Variants in ORAI3 observed in about 807,000 individuals in gnomAD.
ORAI3 encodes the protein protein orai-3.
In ORAI3, 15 loss-of-function variants were observed where a neutral mutation model predicts 17.2. The observed-to-expected ratio is 0.87, with a 90% CI of 0.58 to 1.34. The LOEUF (loss-of-function observed/expected upper bound fraction) is 1.34. ORAI3 is among the 40% of genes most tolerant of loss of function. The pLI is 0.00. For missense variants in ORAI3, 405 were observed against 396.7 expected (o/e 1.02, Z -0.18); for synonymous variants, 178 against 172.4 (o/e 1.03, Z -0.25).
At position 30,949,237 on chromosome 16, in the gene ORAI3, C is replaced by A. The variant is rs938866244; in HGVS notation, c.-53C>A. 8.6e-6 allele frequency: 11 copies of A among 1,285,024 alleles called. No individual in the cohort carries two copies. Among genetic ancestry groups the A allele is most frequent in the African/African-American group, 4.7e-5 (3 of 63,526 alleles). The allele number at this position is 1,285,024 out of a possible 1,614,324, so 79.6% of individuals were successfully genotyped here. On this transcript the variant is annotated 5_prime_UTR_variant, in exon 1 of 2. Transcript: ENST00000318663. Reference sequence around the variant, plus strand: ...GGGCTTGGGCCGGCCCGGCTGGGGCCCCCGAGGCGCTTCCGCCCCGTAGTG... The same window carrying A: ...GGGCTTGGGCCGGCCCGGCTGGGGCACCCGAGGCGCTTCCGCCCCGTAGTG...
chr16:30,951,045 C>A (rs921364632), intron 1 of ORAI3, among the ~76,000 whole-genome samples: 1 of 152,132 alleles, frequency 6.6e-6, no homozygotes, highest in Non-Finnish European at 1.5e-5. Context: ...AAGCCTGGCC[C>A]AGATCCCTGT....
At position 30,953,591 on chromosome 16, in the gene ORAI3, G is replaced by T. The variant is rs765188667; in HGVS notation, c.635G>T (p.Arg212Leu). Residue 212 changes from arginine to leucine, a missense_variant, in exon 2 of 2, where the codon CGG becomes CTG. Physicochemically the swap from Arg to Leu is moderately radical, Grantham distance 102. Coordinates refer to ENST00000318663, the MANE Select transcript of ORAI3 (RefSeq NM_152288.3). ...CTTAGTCCAGCTTCCAATCTCCCACGGTCCTCTGCGTCTGCAGCACCGTCC... is the reference window on the plus strand; with the variant it reads ...CTTAGTCCAGCTTCCAATCTCCCACTGTCCTCTGCGTCTGCAGCACCGTCC... ...TSLSPASNLP[R>L]SSASAAPSQA... 6.2e-7 allele frequency: 1 copy of T among 1,614,182 alleles called. No individual in the cohort carries two copies. Among genetic ancestry groups the T allele is most frequent in the Non-Finnish European group, 8.5e-7 (1 of 1,180,024 alleles).
At chr16:30,950,384 C>T (rs1330911234) in intron 1 of ORAI3, among the ~76,000 whole-genome samples, 1 of 152,198 alleles carries the variant, frequency 6.6e-6, no homozygotes, top group Non-Finnish European at 1.5e-5. Context: ...CTCAGACTAG[C>T]CTGCTAATTG....
Position 30,949,206 on chromosome 16 carries a change from GC to G in ORAI3, c.-79del. ...GCTCGTCCTGTCTGGGAATGGGGCC[GC>G]CCCCGGGCTTGGGCCGGCCCGGCTG... On this transcript the variant is annotated 5_prime_UTR_variant, in exon 1 of 2. It removes the in-frame stop codon of an upstream open reading frame in the 5' UTR. Transcript: ENST00000318663. 2.0e-6 allele frequency: 2 copies of G among 977,696 alleles called. No homozygotes were observed. Among genetic ancestry groups the G allele is most frequent in the Non-Finnish European group, 2.8e-6 (2 of 718,398 alleles). The allele number at this position is 977,696 out of a possible 1,614,324, so 60.6% of individuals were successfully genotyped here.
chr16:30,951,722 AAG>A (rs570181174), intron 1 of ORAI3, among the ~76,000 whole-genome samples: 8 of 152,032 alleles, frequency 5.3e-5, no homozygotes, highest in African/African-American at 1.7e-4. Flanking sequence ...AAAAAAAAAA[AAG>A]AGAGACCCCA....
In ORAI3 at chr16:30,949,620, G is replaced by A. The variant is rs527700213; in HGVS notation, c.228+103G>A. 2.8e-4 allele frequency: 229 copies of A among 811,882 alleles called. 1 individual carries two copies. In the African/African-American group the frequency reaches 4.0e-3, roughly 14 times the overall value. 50.3% of individuals were successfully genotyped at this position (811,882 alleles called of 1,614,324 possible). On this transcript the variant is annotated intron_variant, in intron 1 of 1. Transcript: ENST00000318663. ...AGGTCCCAAGGGAGACAGGTTAAAG[G>A]GGGCTTTCGTCAAAGGGGGAAGGAA...
At position 30,953,659 on chromosome 16, in the gene ORAI3, G is replaced by A. The variant is rs761906488; in HGVS notation, c.703G>A (p.Gly235Ser). The A allele has an allele frequency of 6.2e-7, 1 of 1,614,118 alleles. No individual in the cohort carries two copies. The highest frequency in any genetic ancestry group is 8.5e-7 in the Non-Finnish European group (1 of 1,180,020). The stretch of plus-strand genomic sequence containing the variant: ...CCCACCCCGGCAAGCCTGTGGTGGT[G>A]GTGGGGCCCATGGGCCAGGCTGGCA... ...ACPPRQACGG[G>S]GAHGPGWQAA... Residue 235 changes from glycine to serine, a missense_variant, in exon 2 of 2, where the codon GGT (glycine) becomes AGT (serine). Gly to Ser is a moderately conservative substitution (Grantham distance 56, BLOSUM62 0). Coordinates refer to ENST00000318663, the MANE Select transcript of ORAI3 (RefSeq NM_152288.3).
chr16:30,953,673 G>A lies in ORAI3; in HGVS notation c.717G>A (p.Gly239=). ...CCTGTGGTGGTGGTGGGGCCCATGG[G>A]CCAGGCTGGCAAGCAGCCATGGCCT... is the stretch of plus-strand genomic sequence containing the variant. ...RQACGGGGAH[G]PGWQAAMAST... Residue 239 remains glycine (G), a synonymous_variant, in exon 2 of 2, where the codon GGG becomes GGA. Coordinates refer to ENST00000318663, the MANE Select transcript of ORAI3 (RefSeq NM_152288.3). 1.2e-6 allele frequency: 2 copies of A among 1,614,060 alleles called. No individual in the cohort carries two copies. The highest frequency in any genetic ancestry group is 1.3e-5 in the African/African-American group (1 of 75,066).
In ORAI3 at chr16:30,949,288, G is replaced by A. The variant is rs571122937; in HGVS notation, c.-2G>A. On this transcript the variant is annotated 5_prime_UTR_variant, in exon 1 of 2. Coordinates refer to ENST00000318663, the MANE Select transcript of ORAI3 (RefSeq NM_152288.3). ...ACCGCCTGGTGCCGCCCCCCCCCCA[G>A]GATGAAGGGCGGCGAGGGGGACGCG... 2.1e-6 allele frequency: 3 copies of A among 1,402,124 alleles called. No homozygotes were observed. The highest frequency in any genetic ancestry group is 1.6e-5 in the South Asian group (1 of 64,304). The allele number at this position is 1,402,124 out of a possible 1,614,324, so 86.9% of individuals were successfully genotyped here. A position where few individuals can be genotyped will look rare whatever the true frequency, so the allele number is the denominator to read the frequency against.
chr16:30,953,833 C>T lies in ORAI3; in HGVS notation c.877C>T (p.Gln293Ter), dbSNP rs747520974. 6.2e-7 allele frequency: 1 copy of T among 1,608,758 alleles called. No individual in the cohort carries two copies. The change falls in exon 2 of 2, where the codon CAG becomes TAG. Residue 293 changes from glutamine to a stop codon, truncating the protein, a stop_gained. Coordinates refer to ENST00000318663, the MANE Select transcript of ORAI3 (RefSeq NM_152288.3). LOFTEE classifies it high-confidence loss of function. ...EELNRLQGEL[Q>*]AV ...ACTGAATCGCCTGCAGGGGGAGCTG[C>T]AGGCTGTGTGAGACTGGTGTTAGCC...
Position 30,953,184 on chromosome 16 carries a change from G to T in ORAI3, c.229-1G>T. On this transcript the variant is annotated splice_acceptor_variant, in intron 1 of 1. Transcript: ENST00000318663. LOFTEE classifies it high-confidence loss of function. ...CAGTACATCCCCTCTTGTCCCTGCA[G>T]GTGGCCATGGTGGAGGTGCAGCTGG... 1 of 1,571,618 alleles carries T rather than the reference G, an allele frequency of 6.4e-7. No individual in the cohort carries two copies. Among genetic ancestry groups the T allele is most frequent in the Non-Finnish European group, 8.6e-7 (1 of 1,159,194 alleles).
At position 30,954,710 on chromosome 16, in the gene ORAI3, A is replaced by C. The variant is rs2055943394; in HGVS notation, c.*866A>C. ...CCACTTGCAGAAGGGATGGTGCCTG[A>C]CCCACTGCCCTAGCCCCACGCTATG... On this transcript the variant is annotated 3_prime_UTR_variant, in exon 2 of 2. Coordinates refer to ENST00000318663, the MANE Select transcript of ORAI3 (RefSeq NM_152288.3). 6.5e-6 allele frequency: 1 copy of C among 154,202 alleles called. No individual in the cohort carries two copies. Among genetic ancestry groups the C allele is most frequent in the Non-Finnish European group, 1.4e-5 (1 of 69,574 alleles). The allele number at this position is 154,202 out of a possible 1,614,324, so 9.6% of individuals were successfully genotyped here.
In ORAI3 at chr16:30,953,600, C is replaced by G; in HGVS notation, c.644C>G (p.Ala215Gly). The change falls in exon 2 of 2, where the codon GCG becomes GGG. Residue 215 changes from alanine to glycine, a missense_variant. Physicochemically the swap from Ala to Gly is moderately conservative, Grantham distance 60. Coordinates refer to ENST00000318663, the MANE Select transcript of ORAI3 (RefSeq NM_152288.3). The stretch of plus-strand genomic sequence containing the variant: ...GCTTCCAATCTCCCACGGTCCTCTG[C>G]GTCTGCAGCACCGTCCCAAGCTGAG... Reference protein sequence around the residue: ...SPASNLPRSSASAAPSQAEPA... With the variant: ...SPASNLPRSSGSAAPSQAEPA... 1 of 1,614,184 alleles carries G rather than the reference C, an allele frequency of 6.2e-7. No homozygotes were observed. Among genetic ancestry groups the G allele is most frequent in the Non-Finnish European group, 8.5e-7 (1 of 1,180,026 alleles).
chr16:30,953,860 C>A lies in ORAI3; in HGVS notation c.*16C>A. 1.3e-6 allele frequency: 2 copies of A among 1,593,916 alleles called. 1 individual carries two copies. The highest frequency in any genetic ancestry group is 2.3e-5 in the South Asian group (2 of 88,868). ...GGCTGTGTGAGACTGGTGTTAGCCA[C>A]CGCTCACTGCAAGCACTGCCTCCCT... On this transcript the variant is annotated 3_prime_UTR_variant, in exon 2 of 2. Coordinates refer to ENST00000318663, the MANE Select transcript of ORAI3 (RefSeq NM_152288.3).
chr16:30,953,099 G>GT, intron 1 of ORAI3, 86 bp from the exon 2 acceptor site: 2 of 1,249,214 alleles, frequency 1.6e-6, no homozygotes, highest in East Asian at 4.7e-5. Flanking sequence ...CTAGGGATAT[G>GT]TATCAGTGAT....
Position 30,954,051 on chromosome 16 carries a change from A to G in ORAI3, c.*207A>G, listed in dbSNP as rs1314694319. 1.4e-6 allele frequency: 1 copy of G among 715,300 alleles called. No individual in the cohort carries two copies. The highest frequency in any genetic ancestry group is 1.5e-5 in the South Asian group (1 of 67,840). 44.3% of individuals were successfully genotyped at this position (715,300 alleles called of 1,614,324 possible). A position where few individuals can be genotyped will look rare whatever the true frequency, so the allele number is the denominator to read the frequency against. On this transcript the variant is annotated 3_prime_UTR_variant, in exon 2 of 2. Transcript: ENST00000318663. ...CACATTCCCAGGGATTTTCCCCATC[A>G]GTCTGTCCCTTGGGTTTTGCAAGCT...
Position 30,954,334 on chromosome 16 carries a change from C to G in ORAI3, c.*490C>G, listed in dbSNP as rs1429839547. On this transcript the variant is annotated 3_prime_UTR_variant, in exon 2 of 2. Transcript: ENST00000318663. ...CCAGGCTCAAAAGATGCTCCCACCA[C>G]AGCCTCCCAGGTAGTGAGTAGCTGG... 1.8e-6 allele frequency: 1 copy of G among 563,936 alleles called. No homozygotes were observed. The highest frequency in any genetic ancestry group is 3.2e-6 in the Non-Finnish European group (1 of 316,036). 34.9% of individuals were successfully genotyped at this position (563,936 alleles called of 1,614,324 possible).
At position 30,953,612 on chromosome 16, in the gene ORAI3, C is replaced by T. The variant is rs145840723; in HGVS notation, c.656C>T (p.Pro219Leu). The change falls in exon 2 of 2, where the codon CCG becomes CTG. Residue 219 changes from proline (P) to leucine (L), a missense_variant. Transcript: ENST00000318663. ...CCACGGTCCTCTGCGTCTGCAGCAC[C>T]GTCCCAAGCTGAGCCAGCCTGCCCA... is the stretch of plus-strand genomic sequence containing the variant. ...NLPRSSASAAPSQAEPACPPR... is the reference protein window; with the variant it reads ...NLPRSSASAALSQAEPACPPR... 640 of 1,614,188 alleles carry T rather than the reference C, an allele frequency of 4.0e-4. No individual in the cohort carries two copies. The highest frequency in any genetic ancestry group is 1.8e-3 in the Middle Eastern group (11 of 6,062).
At position 30,953,803 on chromosome 16, in the gene ORAI3, G is replaced by A. The variant is rs755885410; in HGVS notation, c.847G>A (p.Glu283Lys). ...GACAGACCGCTACAAGCAGGAACTAGAGGAACTGAATCGCCTGCAGGGGGA... is the reference window on the plus strand; with the variant it reads ...GACAGACCGCTACAAGCAGGAACTAAAGGAACTGAATCGCCTGCAGGGGGA... ...HKTDRYKQELEELNRLQGELQ... is the reference protein window; with the variant it reads ...HKTDRYKQELKELNRLQGELQ... Residue 283 changes from glutamate to lysine, a missense_variant, in exon 2 of 2, where the codon GAG (glutamate) becomes AAG (lysine). Glu to Lys is a moderately conservative substitution (Grantham distance 56). Transcript: ENST00000318663. 3.7e-6 allele frequency: 6 copies of A among 1,613,194 alleles called. No individual in the cohort carries two copies. The highest frequency in any genetic ancestry group is 5.1e-6 in the Non-Finnish European group (6 of 1,179,832).
Sources: allele counts gnomAD v4.1 joint callset (sites outside exome capture counted in the v4.1 genomes callset), GRCh38; gene constraint gnomAD v4.1.1; transcripts MANE v1.5; gene names NCBI Gene and HGNC (gene_info 2026-07-23, HGNC 2026-07-21).